Variants in MYLK4 observed in about 807,000 individuals in gnomAD.
The protein encoded by MYLK4 is myosin light chain kinase family member 4.
MYLK4 carries 46 observed loss-of-function variants against 48.1 expected under a neutral mutation model. The observed-to-expected ratio is 0.96, with a 90% CI of 0.75 to 1.22. The LOEUF (loss-of-function observed/expected upper bound fraction) is 1.22. Among genes scored for constraint, MYLK4 ranks in the 50% most tolerant of loss-of-function variants. The pLI, the probability that MYLK4 is intolerant of heterozygous loss-of-function variation, is 0.00. For synonymous variants in MYLK4, 170 were observed against 180.8 expected (o/e 0.94, Z 0.48); for missense variants, 451 against 486.1 (o/e 0.93, Z 0.68).
At chr6:2,735,833 A>T (rs1428737967) in intron 2 of MYLK4, among the ~76,000 whole-genome samples, 1 of 152,226 alleles carries the variant, frequency 6.6e-6, no homozygotes, top group Non-Finnish European at 1.5e-5. Context: ...GTTTGGGGAG[A>T]AACAATGAAG....
the MYLK4 span, chr6:2,765,951 G>A: frequency 3.5e-6 from 5 of 1,434,918 alleles, no homozygotes; most frequent in Admixed American, 2.5e-5. Context: ...AGCCGCGAGA[G>A]CTACGACGCG....
At chr6:2,684,357 T>C (rs372330065) in intron 6 of MYLK4, among the ~76,000 whole-genome samples, 1 of 152,168 alleles carries the variant, frequency 6.6e-6, no homozygotes, top group South Asian at 2.1e-4. Context: ...AACCTGTTGA[T>C]TGTTTACTTC....
the MYLK4 span, chr6:2,765,682 C>T: frequency 9.0e-6 from 14 of 1,551,176 alleles, no homozygotes; most frequent in Admixed American, 7.2e-5. Context: ...AGGTGCAGTG[C>T]CCCGTGTGCC....
rs879237730 is a variant in MYLK4, at chr6:2,666,705, C to T, written c.*1220G>A. ...TCATGTGGAAATGACACACTCATTT[C>T]GCTCTTTAAAGCCCAGTGCCTTTCT... is the stretch of plus-strand genomic sequence containing the variant. On this transcript the variant is annotated 3_prime_UTR_variant, in exon 13 of 13. Transcript: ENST00000274643. The T allele has an allele frequency of 2.6e-5, 4 of 152,164 alleles. No individual in the cohort carries two copies. The highest frequency in any genetic ancestry group is 6.5e-5 in the Admixed American group (1 of 15,278). 9.4% of individuals were successfully genotyped at this position (152,164 alleles called of 1,614,324 possible). A position where few individuals can be genotyped will look rare whatever the true frequency, so the allele number is the denominator to read the frequency against.
chr6:2,685,704 A>C lies in MYLK4; in HGVS notation c.342-128T>G. 1 of 722,856 alleles carries C rather than the reference A, an allele frequency of 1.4e-6. No individual in the cohort carries two copies. The highest frequency in any genetic ancestry group is 2.3e-6 in the Non-Finnish European group (1 of 428,544). 44.8% of individuals were successfully genotyped at this position (722,856 alleles called of 1,614,324 possible). On this transcript the variant is annotated intron_variant, in intron 4 of 12. Coordinates refer to ENST00000274643, the MANE Select transcript of MYLK4 (RefSeq NM_001012418.5). This position sits in a 1 kb window ranked among gnomAD's most constrained non-coding sequence, Gnocchi z 4.5. The stretch of plus-strand genomic sequence containing the variant: ...AGCCCTCTGAGGAGTTCTTTCAGTA[A>C]ACTTCTAGAGCAGTATTTGTCAACA...
chr6:2,736,888 T>G (rs2113343913), intron 2 of MYLK4, among the ~76,000 whole-genome samples: 1 of 152,358 alleles, frequency 6.6e-6, no homozygotes, highest in African/African-American at 2.4e-5. Flanking sequence ...TGTAATTTCC[T>G]AATTTATAAA....
chr6:2,713,325 G>T (rs1266057694), intron 2 of MYLK4, among the ~76,000 whole-genome samples: 1 of 150,758 alleles, frequency 6.6e-6, no homozygotes, highest in Admixed American at 6.6e-5. Context: ...AGCCAAGATC[G>T]ATCGCATCAT....
rs1561819584 is a variant in MYLK4, at chr6:2,663,778, A to T, written c.*4147T>A. On this transcript the variant is annotated 3_prime_UTR_variant, in exon 13 of 13. Coordinates refer to ENST00000274643, the MANE Select transcript of MYLK4 (RefSeq NM_001012418.5). ...GATAGACACAATCACCACGTTATGA[A>T]TCCTTTTTTTAATTTCTTATCAACA... 6.6e-6 allele frequency: 1 copy of T among 152,634 alleles called. No individual in the cohort carries two copies. Among genetic ancestry groups the T allele is most frequent in the Non-Finnish European group, 1.5e-5 (1 of 68,046 alleles). 9.5% of individuals were successfully genotyped at this position (152,634 alleles called of 1,614,324 possible). A position where few individuals can be genotyped will look rare whatever the true frequency, so the allele number is the denominator to read the frequency against.
At chr6:2,742,258 G>T (rs892150619) in intron 2 of MYLK4, among the ~76,000 whole-genome samples, 3 of 152,210 alleles carry the variant, frequency 2.0e-5, no homozygotes, top group Non-Finnish European at 2.9e-5. Context: ...CATGCGGAAA[G>T]GCTGACTCCT....
intron 2 of MYLK4, among the ~76,000 whole-genome samples, chr6:2,707,332 T>C (rs564388006): frequency 3.3e-5 from 5 of 152,196 alleles, no homozygotes; most frequent in African/African-American, 1.2e-4. Flanking sequence ...TCAGTTCAAT[T>C]TGGCATTTAA....
At chr6:2,707,623 G>A (rs1266979199) in intron 2 of MYLK4, among the ~76,000 whole-genome samples, 1 of 152,154 alleles carries the variant, frequency 6.6e-6, no homozygotes, top group Non-Finnish European at 1.5e-5. Context: ...GCTATAAAAA[G>A]TGTTAAGCAC....
At chr6:2,741,484 T>G (rs568407146) in intron 2 of MYLK4, among the ~76,000 whole-genome samples, 1 of 152,336 alleles carries the variant, frequency 6.6e-6, no homozygotes, top group African/African-American at 2.4e-5. Context: ...CATCTGTGCA[T>G]TTGGTCAAGG....
intron 3 of MYLK4, 140 bp downstream of exon 3, chr6:2,692,644 G>GAAAA (rs1561844267): frequency 2.8e-5 from 5 of 178,416 alleles, no homozygotes; most frequent in East Asian, 2.5e-4. Context: ...AAAAAAAAAG[G>GAAAA]GGGGGGGGGG....
Position 2,683,387 on chromosome 6 carries a change from C to CTTT in MYLK4, c.546-228_546-226dup, listed in dbSNP as rs138132269. On this transcript the variant is annotated intron_variant, in intron 6 of 12. Coordinates refer to ENST00000274643, the MANE Select transcript of MYLK4 (RefSeq NM_001012418.5). ...GGAAATCCTCAAGCCAACTCCCCAC[C>CTTT]TTTTTGTGTGTGTGTGTGTGTGTGT... Among the ~76,000 whole-genome samples the CTTT allele has an allele frequency of 1.2e-3, 105 of 86,296 alleles. 6 individuals are homozygous for CTTT. Among genetic ancestry groups the CTTT allele is most frequent in the East Asian group, 9.8e-3 (26 of 2,652 alleles). 56.6% of individuals were successfully genotyped at this position (86,296 alleles called of 152,430 possible).
chr6:2,671,245 C>T (rs377481967), intron 12 of MYLK4, 31 bp downstream of exon 12: 5 of 1,464,630 alleles, frequency 3.4e-6, no homozygotes, highest in East Asian at 2.3e-5. Context: ...AAGGCCTTCA[C>T]AGACACCTCT....
chr6:2,685,662 G>T lies in MYLK4; in HGVS notation c.342-86C>A. ...GCACAGTGGCCCCAGTATTTCTCCT[G>T]CTGAGTCTGGATGAGCAGCCCTCTG... is the stretch of plus-strand genomic sequence containing the variant. On this transcript the variant is annotated intron_variant, in intron 4 of 12. Transcript: ENST00000274643. The surrounding 1 kb of genome is among the most constrained non-coding windows in gnomAD (Gnocchi z 4.5). 1 of 1,218,156 alleles carries T rather than the reference G, an allele frequency of 8.2e-7. No individual in the cohort carries two copies. Among genetic ancestry groups the T allele is most frequent in the Non-Finnish European group, 1.2e-6 (1 of 835,226 alleles). The allele number at this position is 1,218,156 out of a possible 1,614,324, so 75.5% of individuals were successfully genotyped here.
chr6:2,705,492 C>A (rs1432537012), intron 2 of MYLK4, among the ~76,000 whole-genome samples: 1 of 152,158 alleles, frequency 6.6e-6, no homozygotes, highest in Non-Finnish European at 1.5e-5. Flanking sequence ...TCCCAGTCAT[C>A]CATGGCAATG....
intron 2 of MYLK4, among the ~76,000 whole-genome samples, chr6:2,701,374 C>T (rs1004933125): frequency 1.3e-5 from 2 of 152,100 alleles, no homozygotes; most frequent in African/African-American, 2.4e-5. Flanking sequence ...GCACGCCGGC[C>T]GAGGCTCAGA....
At chr6:2,768,330 A>AT in the MYLK4 span, among the ~76,000 whole-genome samples, 1 of 152,026 alleles carries the variant, frequency 6.6e-6, no homozygotes, top group Non-Finnish European at 1.5e-5. Context: ...AGGAGGGAGA[A>AT]TTTTCTCTTT....
Sources: allele counts gnomAD v4.1 joint callset (sites outside exome capture counted in the v4.1 genomes callset), GRCh38; gene constraint gnomAD v4.1.1; non-coding constraint Gnocchi (gnomAD v3.1); transcripts MANE v1.5; gene names NCBI Gene and HGNC (gene_info 2026-07-23, HGNC 2026-07-21).